FIGN: variants seen among roughly 807,000 people sequenced by gnomAD.
FIGN encodes fidgetin.
In FIGN, 11 loss-of-function variants were observed where a neutral mutation model predicts 51.3. The ratio of observed to expected loss-of-function variants is 0.21; its 90% confidence interval spans 0.13 to 0.35. FIGN has a LOEUF of 0.35. Among genes scored for constraint, FIGN ranks in the 10% least tolerant of loss-of-function variants. The pLI is 1.00. For missense variants in FIGN, 857 were observed against 943.6 expected (o/e 0.91, Z 1.20); for synonymous variants, 407 against 363.2 (o/e 1.12, Z -1.37).
At chr2:163,699,137 G>A (rs367623713) in intron 2 of FIGN, among the ~76,000 whole-genome samples, 1 of 152,116 alleles carries the variant, frequency 6.6e-6, no homozygotes, top group Non-Finnish European at 1.5e-5. Context: ...CAATAGCTAT[G>A]CAACAGGAAC....
intron 2 of FIGN, among the ~76,000 whole-genome samples, chr2:163,660,681 A>ATACACACATATACATATATATG (rs1683639529): frequency 3.3e-5 from 4 of 122,934 alleles, no homozygotes; most frequent in African/African-American, 1.3e-4. Context: ...ATATATATAT[A>ATACACACATATACATATATATG]TATACACATA....
Position 163,607,647 on chromosome 2 carries a change from T to A in FIGN, c.*1905A>T, listed in dbSNP as rs183294749. The A allele has an allele frequency of 6.1e-3, 938 of 152,738 alleles. 13 individuals are homozygous for A. Among genetic ancestry groups the A allele is most frequent in the African/African-American group, 0.019 (810 of 41,566 alleles). 9.5% of individuals were successfully genotyped at this position (152,738 alleles called of 1,614,324 possible). On this transcript the variant is annotated 3_prime_UTR_variant, in exon 3 of 3. Coordinates refer to ENST00000333129, the MANE Select transcript of FIGN (RefSeq NM_018086.4). ...CTCATTGCATTTATTTAAATTTTTTTAAAAATGTACATCACTTATTTATTG... is the reference window on the plus strand; with the variant it reads ...CTCATTGCATTTATTTAAATTTTTTAAAAAATGTACATCACTTATTTATTG...
chr2:163,624,179 T>C lies in FIGN; in HGVS notation c.26-12373A>G, dbSNP rs112397131. Among the ~76,000 whole-genome samples, 1,053 of 152,226 alleles carry C rather than the reference T, an allele frequency of 6.9e-3. 14 individuals are homozygous for C. Among genetic ancestry groups the C allele is most frequent in the African/African-American group, 0.024 (1,002 of 41,580 alleles). ...ATGCTTTCTGAAATATTAGTGCACA[T>C]TCGTAAAGCTTTGTTTCTTTTATTT... On this transcript the variant is annotated intron_variant, in intron 2 of 2. Transcript: ENST00000333129.
At chr2:163,691,527 A>T (rs1039185900) in intron 2 of FIGN, among the ~76,000 whole-genome samples, 1 of 152,084 alleles carries the variant, frequency 6.6e-6, no homozygotes, top group Non-Finnish European at 1.5e-5. Flanking sequence ...ACTTGATGTG[A>T]CCTATTTTAA....
At chr2:163,669,015 A>AATATATATATATATATATATATATAT (rs138074416) in intron 2 of FIGN, among the ~76,000 whole-genome samples, 44 of 138,500 alleles carry the variant, frequency 3.2e-4, no homozygotes, top group African/African-American at 9.9e-4. Flanking sequence ...GAAAAAAAGG[A>AATATATATATATATATATATATATAT]ATATATATAT....
At chr2:163,631,011 G>T (rs572530734) in intron 2 of FIGN, among the ~76,000 whole-genome samples, 1 of 152,276 alleles carries the variant, frequency 6.6e-6, no homozygotes, top group Admixed American at 6.5e-5. Flanking sequence ...CTGTGGTATA[G>T]CTTTGGGTCT....
At chr2:163,657,902 G>A (rs1458677253) in intron 2 of FIGN, among the ~76,000 whole-genome samples, 1 of 152,078 alleles carries the variant, frequency 6.6e-6, no homozygotes, top group African/African-American at 2.4e-5. Context: ...TGTAGTTAGA[G>A]CTCACTTTCC....
chr2:163,693,454 A>G (rs1232084872), intron 2 of FIGN, among the ~76,000 whole-genome samples: 3 of 152,320 alleles, frequency 2.0e-5, no homozygotes, highest in East Asian at 3.9e-4. Context: ...AAGACTCATG[A>G]GTGAATCAGC....
At chr2:163,628,024 C>T (rs1683083334) in intron 2 of FIGN, among the ~76,000 whole-genome samples, 1 of 152,190 alleles carries the variant, frequency 6.6e-6, no homozygotes, top group African/African-American at 2.4e-5. Flanking sequence ...ATCTTGATAG[C>T]TTTTACCATC....
At chr2:163,619,898 CTA>C (rs891274170) in intron 2 of FIGN, among the ~76,000 whole-genome samples, 8 of 151,862 alleles carry the variant, frequency 5.3e-5, no homozygotes, top group Non-Finnish European at 1.2e-4. Flanking sequence ...TAACTTAGAT[CTA>C]TGATTTCTGT....
At chr2:163,625,442 T>C (rs769409693) in intron 2 of FIGN, among the ~76,000 whole-genome samples, 2 of 152,042 alleles carry the variant, frequency 1.3e-5, no homozygotes, top group Non-Finnish European at 2.9e-5. Flanking sequence ...GATTGTTCCT[T>C]TTTTGCAGCA....
chr2:163,616,212 T>A (rs971306272), intron 2 of FIGN, among the ~76,000 whole-genome samples: 2 of 152,200 alleles, frequency 1.3e-5, no homozygotes, highest in Non-Finnish European at 2.9e-5. Context: ...GCTCTTTAAC[T>A]AGTTTCGAAA....
At chr2:163,716,901 A>G (rs1005740532) in intron 2 of FIGN, among the ~76,000 whole-genome samples, 1 of 152,168 alleles carries the variant, frequency 6.6e-6, no homozygotes, top group African/African-American at 2.4e-5. Context: ...TCTGCTTACA[A>G]CTGTTAATTG....
At chr2:163,613,112 C>T (rs138173319) in intron 2 of FIGN, among the ~76,000 whole-genome samples, 65 of 152,154 alleles carry the variant, frequency 4.3e-4, no homozygotes, top group African/African-American at 1.4e-3. Flanking sequence ...GGGCCCAAAG[C>T]GATTTATAAT....
At chr2:163,658,364 GCTCTCT>G (rs55894952) in intron 2 of FIGN, among the ~76,000 whole-genome samples, 6,596 of 137,558 alleles carry the variant, frequency 0.048, 187 homozygotes, top group Middle Eastern at 0.08. Flanking sequence ...TTAAGAAACA[GCTCTCT>G]CTCTCTCTCT....
rs1475767081 is a variant in FIGN, at chr2:163,605,393, A to G, written c.*4159T>C. 1 of 152,076 alleles carries G rather than the reference A, an allele frequency of 6.6e-6. No homozygotes were observed. The highest frequency in any genetic ancestry group is 2.4e-5 in the African/African-American group (1 of 41,430). 9.4% of individuals were successfully genotyped at this position (152,076 alleles called of 1,614,324 possible). On this transcript the variant is annotated 3_prime_UTR_variant, in exon 3 of 3. Coordinates refer to ENST00000333129, the MANE Select transcript of FIGN (RefSeq NM_018086.4). ...AATACTAATAGCTCCAGGTTTGCTA[A>G]TGTGCTTCATATAAAAATCGGCAGA...
At chr2:163,661,642 T>C (rs1305154539) in intron 2 of FIGN, among the ~76,000 whole-genome samples, 1 of 152,170 alleles carries the variant, frequency 6.6e-6, no homozygotes, top group Non-Finnish European at 1.5e-5. Flanking sequence ...CAACTTGAAT[T>C]GTATCTTTCA....
In FIGN at chr2:163,666,959, GTA is replaced by G. The variant is rs758626977; in HGVS notation, c.26-55155_26-55154del. Among the ~76,000 whole-genome samples, 231 of 150,390 alleles carry G rather than the reference GTA, an allele frequency of 1.5e-3. 1 individual carries two copies. Among genetic ancestry groups the G allele is most frequent in the Admixed American group, 4.9e-3 (74 of 15,076 alleles). Reference sequence around the variant, plus strand: ...GCTATATATTTATGTGTGTGTATGTGTATATATATATATGTATAAAAATGTAC... The same window carrying G: ...GCTATATATTTATGTGTGTGTATGTGTATATATATATGTATAAAAATGTAC... On this transcript the variant is annotated intron_variant, in intron 2 of 2. Transcript: ENST00000333129.
intron 2 of FIGN, among the ~76,000 whole-genome samples, chr2:163,666,329 CA>C (rs1683772717): frequency 6.6e-6 from 1 of 152,088 alleles, no homozygotes; most frequent in African/African-American, 2.4e-5. Context: ...TTTATTCCCC[CA>C]AAGGATTATA....
Sources: gnomAD v4.1 joint callset for allele counts (sites outside exome capture counted in the v4.1 genomes callset) on GRCh38, gnomAD v4.1.1 for gene constraint, MANE v1.5 for transcripts, NCBI Gene and HGNC (gene_info 2026-07-23, HGNC 2026-07-21) for gene names.